ADAM22: variants seen among roughly 807,000 people sequenced by gnomAD.
ADAM22 encodes ADAM metallopeptidase domain 22.
In ADAM22, 65 loss-of-function variants were observed where a neutral mutation model predicts 144.6. That is an observed-to-expected ratio of 0.45 (90% confidence interval 0.37 to 0.55). The LOEUF (loss-of-function observed/expected upper bound fraction) is 0.55. ADAM22 is among the 20% of genes least tolerant of loss of function. The probability of loss-of-function intolerance (pLI) is 0.00; values close to 1 mark genes in which losing one functional copy is unlikely to be tolerated. For missense variants in ADAM22, 974 were observed against 1,184.9 expected (o/e 0.82, Z 2.61); for synonymous variants, 391 against 412.6 (o/e 0.95, Z 0.63).
chr7:87,988,480 A>C lies in ADAM22; in HGVS notation c.323+10068A>C, dbSNP rs1788987878. ...GCACATACTTGGCCCTCAGGGATAA[A>C]AAATCAGAAACTTGTCTTATAGTAG... On this transcript the variant is annotated intron_variant, in intron 3 of 31. Transcript: ENST00000413139. Among the ~76,000 whole-genome samples the C allele has an allele frequency of 2.0e-5, 3 of 152,348 alleles. No homozygotes were observed. The South Asian group carries it at 6.2e-4, about 32-fold the overall frequency.
chr7:87,966,751 T>TTTTC (rs1485531359), intron 2 of ADAM22, among the ~76,000 whole-genome samples: 1 of 145,232 alleles, frequency 6.9e-6, no homozygotes, highest in Non-Finnish European at 1.5e-5. Context: ...TTTTTTTTTT[T>TTTTC]TGTGGCATGT....
chr7:87,970,377 A>G (rs1246864341), intron 2 of ADAM22, among the ~76,000 whole-genome samples: 4 of 152,300 alleles, frequency 2.6e-5, no homozygotes. Context: ...GTACTGTTAC[A>G]TGCATTAACT....
At chr7:88,095,902 T>C (rs898408063) in intron 4 of ADAM22, among the ~76,000 whole-genome samples, 1 of 152,102 alleles carries the variant, frequency 6.6e-6, no homozygotes, top group Non-Finnish European at 1.5e-5. Context: ...TAGAATTTTT[T>C]GTAAATACTC....
intron 5 of ADAM22, among the ~76,000 whole-genome samples, chr7:88,110,196 T>C (rs2129488095): frequency 6.6e-6 from 1 of 152,302 alleles, no homozygotes; most frequent in Middle Eastern, 3.4e-3. Context: ...TGTTTTCTTA[T>C]TAGGAAAAAG....
At chr7:88,059,026 G>A (rs1809041483) in intron 3 of ADAM22, among the ~76,000 whole-genome samples, 2 of 152,150 alleles carry the variant, frequency 1.3e-5, no homozygotes, top group African/African-American at 4.8e-5. Flanking sequence ...GAAAACAGGA[G>A]GGTGTACTGA....
At chr7:88,190,682 G>A (rs1178897104) in intron 30 of ADAM22, among the ~76,000 whole-genome samples, 1 of 152,190 alleles carries the variant, frequency 6.6e-6, no homozygotes, top group African/African-American at 2.4e-5. Flanking sequence ...GTCAATAAAG[G>A]TCAGAAAAGA....
chr7:87,968,145 G>A (rs765191571), intron 2 of ADAM22, among the ~76,000 whole-genome samples: 1 of 152,122 alleles, frequency 6.6e-6, no homozygotes, highest in Non-Finnish European at 1.5e-5. Flanking sequence ...CAAGGGGAGA[G>A]AGCTATTTTT....
At chr7:87,934,810 C>T (rs1048620752) in intron 1 of ADAM22, 2 of 700,940 alleles carry the variant, frequency 2.9e-6, no homozygotes, top group East Asian at 5.5e-5. Context: ...AAGGGGTGCC[C>T]TGCTTCTGGG....
At chr7:87,948,900 CAGTT>C (rs1199552309) in intron 2 of ADAM22, among the ~76,000 whole-genome samples, 1 of 152,146 alleles carries the variant, frequency 6.6e-6, no homozygotes, top group East Asian at 1.9e-4. Context: ...GCCTGACACA[CAGTT>C]GGTGCTCAGT....
chr7:87,961,499 G>A (rs1427383152), intron 2 of ADAM22, among the ~76,000 whole-genome samples: 1 of 152,138 alleles, frequency 6.6e-6, no homozygotes, highest in African/African-American at 2.4e-5. Context: ...ATCCCACAAT[G>A]TAATGCATTT....
rs1440880013 is a variant in ADAM22 at position 88,200,769 on chromosome 7, GT to G, written c.*4282del. On this transcript the variant is annotated 3_prime_UTR_variant, in exon 32 of 32. Transcript: ENST00000413139. ...GCTTAATTTGGGGCTCAAATGTTTT[GT>G]TTTCCTCCTGAGATGTTTTTGAATG... The G allele has an allele frequency of 1.3e-4, 20 of 152,284 alleles. No individual in the cohort carries two copies. Among genetic ancestry groups the G allele is most frequent in the African/African-American group, 4.6e-4 (19 of 41,544 alleles). 9.4% of individuals were successfully genotyped at this position (152,284 alleles called of 1,614,324 possible).
At chr7:87,961,886 T>G (rs1388041868) in intron 2 of ADAM22, among the ~76,000 whole-genome samples, 2 of 152,228 alleles carry the variant, frequency 1.3e-5, no homozygotes, top group Non-Finnish European at 2.9e-5. Flanking sequence ...TAAAACAGGT[T>G]CAACAATCAT....
At chr7:87,945,456 A>G (rs770842156) in intron 2 of ADAM22, among the ~76,000 whole-genome samples, 3 of 151,978 alleles carry the variant, frequency 2.0e-5, no homozygotes, top group Non-Finnish European at 4.4e-5. Flanking sequence ...AAAAACAGAT[A>G]TATTTACAAA....
intron 2 of ADAM22, among the ~76,000 whole-genome samples, chr7:87,959,135 G>A (rs1025319693): frequency 6.6e-6 from 1 of 151,780 alleles, no homozygotes; most frequent in Admixed American, 6.6e-5. Flanking sequence ...TTATAGAAAA[G>A]TGATTAAATG....
At chr7:88,100,299 T>C (rs983122317) in intron 4 of ADAM22, among the ~76,000 whole-genome samples, 2 of 152,178 alleles carry the variant, frequency 1.3e-5, no homozygotes, top group Non-Finnish European at 2.9e-5. Flanking sequence ...AAAAATTAAG[T>C]ACACTGTACT....
At chr7:87,973,606 A>G (rs1291415507) in intron 2 of ADAM22, among the ~76,000 whole-genome samples, 2 of 152,226 alleles carry the variant, frequency 1.3e-5, no homozygotes, top group Non-Finnish European at 2.9e-5. Flanking sequence ...CCAAAGGATT[A>G]TAAATCGTGC....
At chr7:88,002,563 G>GT (rs1792827644) in intron 3 of ADAM22, among the ~76,000 whole-genome samples, 1 of 152,170 alleles carries the variant, frequency 6.6e-6, no homozygotes. Flanking sequence ...TGACAAAAAT[G>GT]TTTAATGGCT....
intron 3 of ADAM22, among the ~76,000 whole-genome samples, chr7:88,028,691 A>G (rs1274082610): frequency 6.6e-6 from 1 of 151,960 alleles, no homozygotes; most frequent in Admixed American, 6.6e-5. Context: ...ATATATATAT[A>G]CACATATGTA....
intron 2 of ADAM22, among the ~76,000 whole-genome samples, chr7:87,956,664 T>C (rs1332159891): frequency 6.6e-6 from 1 of 152,214 alleles, no homozygotes; most frequent in Non-Finnish European, 1.5e-5. Context: ...CAGATTTACT[T>C]ACTCTTGAGC....
Sources: allele counts gnomAD v4.1 joint callset (sites outside exome capture counted in the v4.1 genomes callset), GRCh38; gene constraint gnomAD v4.1.1; transcripts MANE v1.5; gene names NCBI Gene and HGNC (gene_info 2026-07-23, HGNC 2026-07-21).